STXBP5: variants seen among roughly 807,000 people sequenced by gnomAD.
STXBP5 encodes the protein syntaxin binding protein 5.
STXBP5 carries 50 observed loss-of-function variants against 152.4 expected under a neutral mutation model. The ratio of observed to expected loss-of-function variants is 0.33; its 90% CI spans 0.26 to 0.42. STXBP5 has a LOEUF of 0.42. STXBP5 is among the 10% of genes least tolerant of loss of function. The pLI is 1.00. For missense variants in STXBP5, 1,167 were observed against 1,388.6 expected (o/e 0.84, Z 2.54); for synonymous variants, 492 against 494.7 (o/e 0.99, Z 0.07).
intron 9 of STXBP5, 41 bp downstream of exon 9, chr6:147,291,213 T>C: frequency 6.7e-7 from 1 of 1,500,668 alleles, no homozygotes. Context: ...TGTATATAAG[T>C]CCTCAAATAG....
intron 21 of STXBP5, among the ~76,000 whole-genome samples, chr6:147,344,028 T>C (rs1439643926): frequency 6.6e-6 from 1 of 152,238 alleles, no homozygotes; most frequent in African/African-American, 2.4e-5. Flanking sequence ...GGTCAAGAAC[T>C]AAATTTTATA....
intron 8 of STXBP5, among the ~76,000 whole-genome samples, chr6:147,281,594 A>G (rs1303946306): frequency 6.6e-6 from 1 of 152,202 alleles, no homozygotes; most frequent in African/African-American, 2.4e-5. Context: ...GCCTTTTACA[A>G]TTGAGTACTT....
chr6:147,251,299 G>A (rs1779083022), intron 4 of STXBP5, among the ~76,000 whole-genome samples: 1 of 149,934 alleles, frequency 6.7e-6, no homozygotes, highest in Non-Finnish European at 1.5e-5. Context: ...CCACAGATCA[G>A]GAGATTCCTT....
At chr6:147,339,906 G>T (rs776016080) in intron 21 of STXBP5, among the ~76,000 whole-genome samples, 1 of 151,874 alleles carries the variant, frequency 6.6e-6, no homozygotes, top group Non-Finnish European at 1.5e-5. Flanking sequence ...ATTGCTTCTT[G>T]TGATTGTTTT....
chr6:147,288,920 G>A (rs1431518149), intron 8 of STXBP5, among the ~76,000 whole-genome samples: 1 of 152,106 alleles, frequency 6.6e-6, no homozygotes, highest in African/African-American at 2.4e-5. Flanking sequence ...GCCCCTATGT[G>A]TGGTGCCCTC....
intron 2 of STXBP5, among the ~76,000 whole-genome samples, chr6:147,229,469 G>T (rs544294139): frequency 6.6e-6 from 1 of 151,692 alleles, no homozygotes; most frequent in Non-Finnish European, 1.5e-5. Flanking sequence ...TATCAGTTTG[G>T]TGATTACTGC....
intron 4 of STXBP5, among the ~76,000 whole-genome samples, chr6:147,250,207 A>G (rs1779014048): frequency 1.3e-5 from 2 of 152,222 alleles, no homozygotes; most frequent in South Asian, 4.1e-4. Flanking sequence ...CCCACAGAGA[A>G]TTAGTCCCTG....
At chr6:147,290,946 T>G in intron 8 of STXBP5, 148 bp from the exon 9 acceptor site, 1 of 498,106 alleles carries the variant, frequency 2.0e-6, no homozygotes, top group Middle Eastern at 5.4e-4. Context: ...AAAAATATCT[T>G]ACTGTGTATT....
chr6:147,363,734 A>G lies in STXBP5; in HGVS notation c.2915+30A>G, dbSNP rs75407357. 2.2e-3 allele frequency: 3,393 copies of G among 1,565,996 alleles called. 78 individuals are homozygous for G. The African/African-American group carries it at 0.041, about 19-fold the overall frequency. On this transcript the variant is annotated intron_variant, in intron 24 of 27. Transcript: ENST00000321680. ...GAGTTAGATATGTTTTAAAACACAG[A>G]TATAGCATTTCCTCCCTCAAACTAT...
At chr6:147,211,947 G>A in intron 2 of STXBP5, among the ~76,000 whole-genome samples, 1 of 152,044 alleles carries the variant, frequency 6.6e-6, no homozygotes, top group East Asian at 1.9e-4. Context: ...GAAGAGTTCC[G>A]GTCATTTGGA....
At chr6:147,280,410 T>A (rs1339818210) in intron 8 of STXBP5, among the ~76,000 whole-genome samples, 2 of 152,222 alleles carry the variant, frequency 1.3e-5, no homozygotes, top group Non-Finnish European at 2.9e-5. Context: ...CCTGATCCTT[T>A]GGTTAAAGTT....
chr6:147,305,126 T>A (rs1257400516), intron 9 of STXBP5, among the ~76,000 whole-genome samples: 1 of 152,158 alleles, frequency 6.6e-6, no homozygotes, highest in Non-Finnish European at 1.5e-5. Context: ...TGCTAAATGA[T>A]CTAAGACAAG....
Position 147,314,286 on chromosome 6 carries a change from A to C in STXBP5, c.1316A>C (p.Asn439Thr). 1 of 1,612,614 alleles carries C rather than the reference A, an allele frequency of 6.2e-7. No homozygotes were observed. Among genetic ancestry groups the C allele is most frequent in the African/African-American group, 1.3e-5 (1 of 74,924 alleles). The part of the protein sequence containing the change: ...SKKEWPINGG[N>T]WGLGAQSYPE... ...TAGGAATGGCCCATCAACGGAGGTAATTGGGGCTTGGGTGCTCAAAGTTAC... is the reference window on the plus strand; with the variant it reads ...TAGGAATGGCCCATCAACGGAGGTACTTGGGGCTTGGGTGCTCAAAGTTAC... Residue 439 changes from asparagine to threonine, a missense_variant, in exon 13 of 28, where the codon AAT becomes ACT. By Grantham distance (65) the Asn-to-Thr change is moderately conservative. This residue lies in a region of STXBP5 where 833 missense variants were observed against 986.3 expected (regional missense o/e 0.84). Transcript: ENST00000321680.
In STXBP5 at chr6:147,236,542, A is replaced by G. The variant is rs149907401; in HGVS notation, c.330+1211A>G. The stretch of plus-strand genomic sequence containing the variant: ...AAAATGACATCAAAACAATACTATT[A>G]ACTAGACTATAGACCTTTATTTAGA... On this transcript the variant is annotated intron_variant, in intron 3 of 27. Transcript: ENST00000321680. Among the ~76,000 whole-genome samples the G allele has an allele frequency of 5.2e-4, 79 of 152,264 alleles. 1 individual carries two copies. The East Asian group carries it at 0.014, about 27-fold the overall frequency.
chr6:147,347,039 G>C (rs953445690), intron 21 of STXBP5, among the ~76,000 whole-genome samples: 4 of 152,118 alleles, frequency 2.6e-5, no homozygotes, highest in Non-Finnish European at 5.9e-5. Flanking sequence ...TGGGTTGCTG[G>C]CATGACTGGA....
intron 8 of STXBP5, among the ~76,000 whole-genome samples, chr6:147,287,186 A>C (rs1032768045): frequency 2.1e-5 from 3 of 146,282 alleles, no homozygotes; most frequent in Non-Finnish European, 3.0e-5. Flanking sequence ...ATAATAACTT[A>C]ATTGTACATT....
chr6:147,253,079 G>A (rs994294237), intron 4 of STXBP5, among the ~76,000 whole-genome samples: 6 of 152,070 alleles, frequency 3.9e-5, no homozygotes, highest in African/African-American at 1.4e-4. Flanking sequence ...CTGGCAAACC[G>A]AATCCAGCAG....
chr6:147,208,182 C>T (rs753551424), intron 2 of STXBP5, among the ~76,000 whole-genome samples: 5 of 152,040 alleles, frequency 3.3e-5, no homozygotes, highest in Non-Finnish European at 7.4e-5. Flanking sequence ...GTATGGAAAA[C>T]TGTTTACTAA....
At position 147,376,630 on chromosome 6, in the gene STXBP5, A is replaced by C. The variant is rs1785823427; in HGVS notation, c.3193+2788A>C. 2.0e-5 allele frequency among the ~76,000 whole-genome samples: 3 copies of C among 152,204 alleles called. No individual in the cohort carries two copies. In the South Asian group the frequency reaches 6.2e-4, roughly 32 times the overall value. ...CCAGGAGTTCGAGACCAGCCTGGGC[A>C]ATATAACAAGACCCTGTCTCTACAA... On this transcript the variant is annotated intron_variant, in intron 26 of 27. Transcript: ENST00000321680.
Sources: allele counts gnomAD v4.1 joint callset (sites outside exome capture counted in the v4.1 genomes callset), GRCh38; gene constraint gnomAD v4.1.1; regional missense constraint gnomAD v4.1.1; transcripts MANE v1.5; gene names NCBI Gene and HGNC (gene_info 2026-07-23, HGNC 2026-07-21).